Variants in VPS13C observed in about 807,000 individuals in gnomAD.
VPS13C encodes vacuolar protein sorting 13 homolog C.
VPS13C carries 358 observed loss-of-function variants against 456.8 expected under a neutral mutation model. The observed-to-expected ratio is 0.78, with a 90% CI of 0.72 to 0.86. VPS13C has a LOEUF of 0.86. Ranked by LOEUF, VPS13C falls within the 40% of genes least tolerant of loss-of-function variation. The pLI is 0.00. For missense variants in VPS13C, 4,818 were observed against 4,385.4 expected (o/e 1.10, Z -2.79); for synonymous variants, 1,578 against 1,486.7 (o/e 1.06, Z -1.41).
At chr15:62,052,672 C>CAAAAAAAAA (rs35444089) in intron 1 of VPS13C, among the ~76,000 whole-genome samples, 1 of 70,532 alleles carries the variant, frequency 1.4e-5, no homozygotes, top group Non-Finnish European at 2.7e-5. Context: ...GACTCCGTCT[C>CAAAAAAAAA]AAAAAAAAAA....
rs1896095907 is a variant in VPS13C, at chr15:61,884,205, T to C, written c.9406A>G (p.Ile3136Val). The part of the protein sequence containing the change: ...KWKPFSQKQI[I>V]LLEQSYQKHQ... ...TTCTGATAGGATTGTTCCAATAAGA[T>C]TATCTGCTTTTGACTAAATGGCTTC... is the stretch of plus-strand genomic sequence containing the variant. Residue 3136 changes from isoleucine (I) to valine (V), a missense_variant, in exon 68 of 85, where the codon ATC becomes GTC. Physicochemically the swap from Ile to Val is conservative, Grantham distance 29 (BLOSUM62 3). This residue lies in a region of VPS13C where 4,552 missense variants were observed against 4,130.6 expected (regional missense o/e 1.10). Coordinates refer to ENST00000644861, the MANE Select transcript of VPS13C (RefSeq NM_020821.3). 9 of 1,611,056 alleles carry C rather than the reference T, an allele frequency of 5.6e-6. No homozygotes were observed. The highest frequency in any genetic ancestry group is 1.7e-5 in the Admixed American group (1 of 59,570).
chr15:62,025,852 C>T (rs1039017430), intron 6 of VPS13C, among the ~76,000 whole-genome samples: 2 of 151,794 alleles, frequency 1.3e-5, no homozygotes, highest in African/African-American at 4.8e-5. Context: ...GTTATAACTA[C>T]TGATATTTAC....
At position 61,874,914 on chromosome 15, in the gene VPS13C, A is replaced by G; in HGVS notation, c.10376T>C (p.Leu3459Ser). ...AAAGAGGCTTCTCACTCCAATCACT[A>G]ACCCCTCTGCAAATTCTTCAGGGCC... is the stretch of plus-strand genomic sequence containing the variant. Reference protein sequence around the residue: ...VQGPEEFAEGLVIGVRSLFGH... With the variant: ...VQGPEEFAEGSVIGVRSLFGH... Residue 3459 changes from leucine to serine, a missense_variant, in exon 77 of 85, where the codon TTA becomes TCA. Leu to Ser is a moderately radical substitution (Grantham distance 145). This residue lies in a region of VPS13C where 4,552 missense variants were observed against 4,130.6 expected (regional missense o/e 1.10). Coordinates refer to ENST00000644861, the MANE Select transcript of VPS13C (RefSeq NM_020821.3). The G allele has an allele frequency of 6.3e-7, 1 of 1,593,016 alleles. No individual in the cohort carries two copies. Among genetic ancestry groups the G allele is most frequent in the Non-Finnish European group, 8.5e-7 (1 of 1,170,900 alleles).
At chr15:61,983,368 G>T (rs2045943806) in intron 20 of VPS13C, among the ~76,000 whole-genome samples, 1 of 152,146 alleles carries the variant, frequency 6.6e-6, no homozygotes, top group African/African-American at 2.4e-5. Context: ...CAGAACCTGA[G>T]CCAGAACTTC....
Position 62,028,396 on chromosome 15 carries a change from T to C in VPS13C, c.410A>G (p.Tyr137Cys). 1 of 1,613,084 alleles carries C rather than the reference T, an allele frequency of 6.2e-7. No individual in the cohort carries two copies. Among genetic ancestry groups the C allele is most frequent in the African/African-American group, 1.3e-5 (1 of 74,936 alleles). Residue 137 changes from tyrosine to cysteine, a missense_variant, in exon 6 of 85, where the codon TAT becomes TGT. Around this residue, in one of 3 missense-constraint regions of VPS13C, gnomAD observed 4,552 missense variants for 4,130.6 expected, o/e 1.10. Transcript: ENST00000644861. The stretch of plus-strand genomic sequence containing the variant: ...CTTGTAAACAAAGTTCTCCAAGCCA[T>C]ATATGAACTCCCCTGAATGTGTGCC... ...EKGTHSGEFI[Y>C]GLENFVYKDI...
chr15:61,996,929 TTA>T (rs1437769353), intron 16 of VPS13C, among the ~76,000 whole-genome samples: 2 of 150,260 alleles, frequency 1.3e-5, no homozygotes, highest in Non-Finnish European at 3.0e-5. Flanking sequence ...CACATATATC[TTA>T]TATATGAATA....
Position 62,060,423 on chromosome 15 carries a change from A to T in VPS13C, c.-49T>A. The T allele has an allele frequency of 1.0e-6, 1 of 986,602 alleles. No homozygotes were observed. Among genetic ancestry groups the T allele is most frequent in the Non-Finnish European group, 1.5e-6 (1 of 649,816 alleles). The allele number at this position is 986,602 out of a possible 1,614,324, so 61.1% of individuals were successfully genotyped here. On this transcript the variant is annotated 5_prime_UTR_variant, in exon 1 of 85. Transcript: ENST00000644861. ...GGGAGGAGCCGGAACCGCCCGGCGC[A>T]GCTGAGGGCTGCGACCAGCGCTGCA...
intron 3 of VPS13C, among the ~76,000 whole-genome samples, chr15:62,039,865 C>T (rs551619713): frequency 7.5e-4 from 114 of 152,064 alleles, no homozygotes; most frequent in African/African-American, 2.3e-3. Flanking sequence ...AGGTATATAC[C>T]CAAAAGAAAG....
chr15:61,975,030 C>G (rs1052597680), intron 24 of VPS13C, among the ~76,000 whole-genome samples: 1 of 152,072 alleles, frequency 6.6e-6, no homozygotes, highest in Non-Finnish European at 1.5e-5. Context: ...AAAGCTCTTT[C>G]TAGCTGTTGT....
chr15:62,057,009 G>A (rs370313161), intron 1 of VPS13C, among the ~76,000 whole-genome samples: 3 of 152,034 alleles, frequency 2.0e-5, no homozygotes, highest in East Asian at 1.9e-4. Flanking sequence ...GGCCACTACC[G>A]GTCTCCGCGC....
At chr15:61,866,525 A>G (rs779519595) in intron 81 of VPS13C, 85 of 984,992 alleles carry the variant, frequency 8.6e-5, no homozygotes, top group Admixed American at 1.2e-4. Context: ...TTACTTTAGA[A>G]TCTCAGGAAG....
chr15:61,995,127 T>C (rs1596446785), intron 16 of VPS13C, among the ~76,000 whole-genome samples: 1 of 152,298 alleles, frequency 6.6e-6, no homozygotes, highest in East Asian at 1.9e-4. Flanking sequence ...TCTGCCCACA[T>C]TATTCTATAA....
Position 61,920,528 on chromosome 15 carries a change from A to C in VPS13C, c.7182T>G (p.Ser2394Arg). The change falls in exon 56 of 85, where the codon AGT (serine) becomes AGG (arginine). Residue 2394 changes from serine (S) to arginine (R), a missense_variant. This residue lies in a region of VPS13C where 4,552 missense variants were observed against 4,130.6 expected (regional missense o/e 1.10). Transcript: ENST00000644861. The stretch of plus-strand genomic sequence containing the variant: ...CTAAATTGTTGAAAACATTAAGACA[A>C]CTTTTGGATATTGTTATATTCATTG... ...GNTMNITISKSCLNVFNNLAK... is the reference protein window; with the variant it reads ...GNTMNITISKRCLNVFNNLAK... The C allele has an allele frequency of 6.5e-7, 1 of 1,549,718 alleles. No homozygotes were observed. Among genetic ancestry groups the C allele is most frequent in the Non-Finnish European group, 8.7e-7 (1 of 1,151,466 alleles).
At chr15:61,952,515 G>A (rs936343218) in intron 38 of VPS13C, among the ~76,000 whole-genome samples, 2 of 152,116 alleles carry the variant, frequency 1.3e-5, no homozygotes, top group East Asian at 1.9e-4. Flanking sequence ...ATGTGTGTGT[G>A]TATGTGTGTT....
intron 82 of VPS13C, among the ~76,000 whole-genome samples, chr15:61,862,361 T>C (rs755714267): frequency 2.9e-4 from 44 of 152,284 alleles, no homozygotes; most frequent in Non-Finnish European, 5.4e-4. Flanking sequence ...AAACCAGATA[T>C]ATAATGTATA....
chr15:61,951,806 A>C lies in VPS13C; in HGVS notation c.4456+18T>G. On this transcript the variant is annotated intron_variant, in intron 39 of 84. Transcript: ENST00000644861. ...TCTGCCTAATGAATAATTTACACAG[A>C]CAATATTTCACACTTACCAGTGAAA... The C allele has an allele frequency of 6.3e-7, 1 of 1,599,196 alleles. No homozygotes were observed. Among genetic ancestry groups the C allele is most frequent in the South Asian group, 1.1e-5 (1 of 88,838 alleles).
intron 45 of VPS13C, among the ~76,000 whole-genome samples, chr15:61,943,164 A>G (rs1160056992): frequency 2.0e-5 from 3 of 152,206 alleles, no homozygotes; most frequent in Admixed American, 6.5e-5. Context: ...GGATTACAAG[A>G]ATCAATATTG....
chr15:61,959,396 TTTGGAG>T (rs2140312803), intron 36 of VPS13C, 46 bp downstream of exon 36: 1 of 1,476,110 alleles, frequency 6.8e-7, no homozygotes, highest in African/African-American at 1.4e-5. Context: ...GCTAAAAGTC[TTTGGAG>T]TTTAAAATTT....
intron 81 of VPS13C, chr15:61,864,913 G>A (rs1432152651): frequency 4.0e-5 from 39 of 973,742 alleles, no homozygotes; most frequent in Non-Finnish European, 4.6e-5. Flanking sequence ...GATCTGAAAT[G>A]CAAGTACAAG....
Sources: gnomAD v4.1 joint callset for allele counts (sites outside exome capture counted in the v4.1 genomes callset) on GRCh38, gnomAD v4.1.1 for gene constraint, gnomAD v4.1.1 regional missense constraint, MANE v1.5 for transcripts, NCBI Gene and HGNC (gene_info 2026-07-23, HGNC 2026-07-21) for gene names.